SNTG1: variants seen among roughly 807,000 people sequenced by gnomAD.
SNTG1 encodes the protein gamma-1-syntrophin.
SNTG1 carries 39 observed loss-of-function variants against 74.7 expected under a neutral mutation model. That is an observed-to-expected ratio of 0.52 (90% confidence interval 0.40 to 0.68). The LOEUF (loss-of-function observed/expected upper bound fraction) is 0.68. Among genes scored for constraint, SNTG1 ranks in the 30% least tolerant of loss-of-function variants. SNTG1 has a pLI of 0.00. For missense variants in SNTG1, 685 were observed against 609.5 expected, an observed-to-expected ratio of 1.12 and a Z score of -1.30; for synonymous variants, 254 against 217.1, an observed-to-expected ratio of 1.17 and a Z score of -1.49.
intron 2 of SNTG1, among the ~76,000 whole-genome samples, chr8:50,174,216 T>A (rs915891521): frequency 7.9e-5 from 12 of 152,230 alleles, no homozygotes; most frequent in Admixed American, 5.9e-4. Context: ...ATGTACCACA[T>A]TTTCTTTATG....
intron 13 of SNTG1, among the ~76,000 whole-genome samples, chr8:50,615,079 A>T (rs2094877127): frequency 6.6e-6 from 1 of 151,540 alleles, no homozygotes; most frequent in African/African-American, 2.4e-5. Flanking sequence ...AGTAGCTAGG[A>T]CTACCCGCGC....
chr8:49,949,001 C>T (rs1809462053), intron 1 of SNTG1, among the ~76,000 whole-genome samples: 1 of 152,156 alleles, frequency 6.6e-6, no homozygotes, highest in South Asian at 2.1e-4. Context: ...AGAGGTGCAC[C>T]GATCCTCACC....
chr8:50,045,368 T>C (rs1406642890), intron 1 of SNTG1, among the ~76,000 whole-genome samples: 1 of 152,038 alleles, frequency 6.6e-6, no homozygotes, highest in East Asian at 1.9e-4. Flanking sequence ...GTGCTCAGAG[T>C]AGCAGCAAGA....
intron 15 of SNTG1, among the ~76,000 whole-genome samples, chr8:50,665,070 A>T (rs962992884): frequency 6.6e-6 from 1 of 152,138 alleles, no homozygotes. Context: ...TCAGCCTGGT[A>T]TTACAAATAA....
At position 50,091,647 on chromosome 8, in the gene SNTG1, C is replaced by CTG. The variant is rs369287883; in HGVS notation, c.-102-80902_-102-80901dup. 3.6e-3 allele frequency among the ~76,000 whole-genome samples: 552 copies of CTG among 151,628 alleles called. 6 individuals carry two copies. Among genetic ancestry groups the CTG allele is most frequent in the African/African-American group, 0.012 (516 of 41,338 alleles). ...TTTTTAAAATTTGAATAATATTTCA[C>CTG]TGTGTGTGTGTGTATGTATCATGAT... On this transcript the variant is annotated intron_variant, in intron 1 of 18. Transcript: ENST00000642720.
intron 13 of SNTG1, among the ~76,000 whole-genome samples, chr8:50,628,903 G>T (rs2094976150): frequency 2.0e-5 from 3 of 152,122 alleles, no homozygotes; most frequent in Admixed American, 1.3e-4. Context: ...GAATATTCCT[G>T]CATACCCTCT....
At chr8:50,778,521 A>G (rs2095648159) in intron 18 of SNTG1, among the ~76,000 whole-genome samples, 1 of 151,890 alleles carries the variant, frequency 6.6e-6, no homozygotes, top group Non-Finnish European at 1.5e-5. Flanking sequence ...GTGTCTGTTC[A>G]TGTCCTTCAC....
At chr8:50,209,733 C>G (rs960151618) in intron 2 of SNTG1, among the ~76,000 whole-genome samples, 1 of 152,164 alleles carries the variant, frequency 6.6e-6, no homozygotes, top group Non-Finnish European at 1.5e-5. Flanking sequence ...TCACCATCAT[C>G]AAAGACCAAA....
chr8:50,010,128 C>T (rs1049074702), intron 1 of SNTG1, among the ~76,000 whole-genome samples: 1 of 152,152 alleles, frequency 6.6e-6, no homozygotes, highest in African/African-American at 2.4e-5. Flanking sequence ...AAGCCACTAA[C>T]ATGTATACAA....
At chr8:50,040,088 A>G (rs1232520938) in intron 1 of SNTG1, among the ~76,000 whole-genome samples, 1 of 152,136 alleles carries the variant, frequency 6.6e-6, no homozygotes, top group Non-Finnish European at 1.5e-5. Context: ...TATAAAACAG[A>G]GAAGTGGACA....
intron 2 of SNTG1, among the ~76,000 whole-genome samples, chr8:50,226,836 A>G (rs1244895666): frequency 6.6e-6 from 1 of 152,158 alleles, no homozygotes; most frequent in Non-Finnish European, 1.5e-5. Flanking sequence ...GACCATGGTC[A>G]CTCTTATTTG....
At chr8:50,140,431 G>C (rs1008825466) in intron 1 of SNTG1, among the ~76,000 whole-genome samples, 1 of 151,974 alleles carries the variant, frequency 6.6e-6, no homozygotes, top group African/African-American at 2.4e-5. Flanking sequence ...GTGTATGTAC[G>C]GTGTGTATAT....
intron 12 of SNTG1, among the ~76,000 whole-genome samples, chr8:50,570,404 G>T (rs917846675): frequency 6.8e-6 from 1 of 147,326 alleles, no homozygotes; most frequent in African/African-American, 2.5e-5. Flanking sequence ...GACTACAGGC[G>T]CACACCACCA....
chr8:50,769,986 A>T lies in SNTG1; in HGVS notation c.1395+17875A>T, dbSNP rs534208988. ...GTAATGAGGATCAGGAGATTAAGAT[A>T]CATAATAAACCAATAATCCAAATCA... On this transcript the variant is annotated intron_variant, in intron 18 of 18. Transcript: ENST00000642720. 5.2e-4 allele frequency among the ~76,000 whole-genome samples: 79 copies of T among 152,258 alleles called. 1 individual carries two copies. Among genetic ancestry groups the T allele is most frequent in the African/African-American group, 1.8e-3 (73 of 41,580 alleles).
At chr8:49,979,274 G>A (rs1812460951) in intron 1 of SNTG1, among the ~76,000 whole-genome samples, 1 of 152,162 alleles carries the variant, frequency 6.6e-6, no homozygotes, top group Admixed American at 6.5e-5. Context: ...GGGACTGCAT[G>A]GGCCCCGCAC....
At chr8:50,294,471 A>G (rs1418776321) in intron 2 of SNTG1, among the ~76,000 whole-genome samples, 1 of 152,210 alleles carries the variant, frequency 6.6e-6, no homozygotes, top group Non-Finnish European at 1.5e-5. Context: ...CAAAATTTGC[A>G]GTTGAAGTTC....
At chr8:50,202,561 C>T (rs1008537301) in intron 2 of SNTG1, among the ~76,000 whole-genome samples, 5 of 152,064 alleles carry the variant, frequency 3.3e-5, no homozygotes, top group African/African-American at 1.2e-4. Flanking sequence ...TGTTCTATTG[C>T]ACAGATGACC....
intron 2 of SNTG1, among the ~76,000 whole-genome samples, chr8:50,218,070 G>A (rs1303148409): frequency 2.0e-5 from 3 of 152,124 alleles, no homozygotes; most frequent in Admixed American, 1.3e-4. Context: ...ATTTCAGCAC[G>A]AGCTAATTCC....
At chr8:49,990,032 C>T (rs986097876) in intron 1 of SNTG1, among the ~76,000 whole-genome samples, 1 of 151,730 alleles carries the variant, frequency 6.6e-6, no homozygotes, top group Non-Finnish European at 1.5e-5. Flanking sequence ...CCTGTAAGAT[C>T]AAGAACAAAA....
Sources: allele counts gnomAD v4.1 joint callset (sites outside exome capture counted in the v4.1 genomes callset), GRCh38; gene constraint gnomAD v4.1.1; transcripts MANE v1.5; gene names NCBI Gene and HGNC (gene_info 2026-07-23, HGNC 2026-07-21).